Variants in IL17REL observed in about 807,000 individuals in gnomAD.
The protein encoded by IL17REL is interleukin-17 receptor E-like protein.
IL17REL carries 36 observed loss-of-function variants against 49.0 expected under a neutral mutation model. The ratio of observed to expected loss-of-function variants is 0.73; its 90% CI spans 0.56 to 0.97. The LOEUF (loss-of-function observed/expected upper bound fraction) is 0.97. Ranked by LOEUF, IL17REL falls within the 50% of genes least tolerant of loss-of-function variation. The probability of loss-of-function intolerance (pLI) is 0.00; values close to 1 mark genes in which losing one functional copy is unlikely to be tolerated. For missense variants in IL17REL, 470 were observed against 453.9 expected (o/e 1.04, Z -0.32); for synonymous variants, 206 against 192.4 (o/e 1.07, Z -0.58).
upstream of IL17REL, among the ~76,000 whole-genome samples, chr22:50,010,874 G>A (rs1289012593): frequency 6.6e-6 from 1 of 151,758 alleles, no homozygotes. Flanking sequence ...GTTTTCCGTC[G>A]TGCTTCTCGG....
intron 3 of IL17REL, 39 bp downstream of exon 4, chr22:50,000,715 C>T (rs1569209861): frequency 6.4e-7 from 1 of 1,553,462 alleles, no homozygotes; most frequent in East Asian, 2.3e-5. Context: ...GGCGCCCAGT[C>T]TTCGGGACTT....
chr22:50,000,863 T>G, exon 3 of IL17REL: 1 of 1,552,026 alleles, frequency 6.4e-7, no homozygotes, highest in Non-Finnish European at 8.7e-7. Flanking sequence ...CCGCAGGCGC[T>G]CTGGGTGGAG....
At chr22:50,012,230 C>T (rs1044062517), upstream of IL17REL, among the ~76,000 whole-genome samples, 8 of 152,362 alleles carry the variant, frequency 5.3e-5, no homozygotes, top group East Asian at 7.7e-4. Flanking sequence ...TCAGAGCAGC[C>T]GAGCGGGGTG....
At chr22:50,012,214 G>A (rs561498739), upstream of IL17REL, among the ~76,000 whole-genome samples, 414 of 152,284 alleles carry the variant, frequency 2.7e-3, 3 homozygotes, top group South Asian at 0.015. Context: ...GCGGGCTCCC[G>A]ATGGCTCAGA....
chr22:50,001,688 G>A (rs1175192298), intron 1 of IL17REL, among the ~76,000 whole-genome samples: 2 of 152,264 alleles, frequency 1.3e-5, no homozygotes, highest in Admixed American at 1.3e-4. Context: ...ATCCTCACAG[G>A]GAGGACTTGC....
At chr22:50,010,109 C>T (rs1030028914), upstream of IL17REL, among the ~76,000 whole-genome samples, 12 of 152,342 alleles carry the variant, frequency 7.9e-5, no homozygotes, top group Non-Finnish European at 1.5e-4. Context: ...ACCCATTTGC[C>T]GACCACCCCA....
chr22:50,004,492 T>C (rs2061097478), intron 1 of IL17REL, among the ~76,000 whole-genome samples: 1 of 152,140 alleles, frequency 6.6e-6, no homozygotes, highest in Admixed American at 6.5e-5. Flanking sequence ...TTTCCTTCCC[T>C]TGGAGCATCA....
At chr22:49,994,105 G>T (rs190318419), downstream of IL17REL, among the ~76,000 whole-genome samples, 2 of 150,412 alleles carry the variant, frequency 1.3e-5, no homozygotes, top group East Asian at 3.9e-4. Flanking sequence ...GGGCACCTGG[G>T]CGAGTGGCAG....
intron 1 of IL17REL, among the ~76,000 whole-genome samples, chr22:50,003,533 A>AAAAAG (rs2061090512): frequency 6.6e-6 from 1 of 150,648 alleles, no homozygotes; most frequent in Non-Finnish European, 1.5e-5. Context: ...AAAAAAAAAA[A>AAAAAG]AAAAAAAAAA....
At chr22:50,010,611 G>A (rs183680412), upstream of IL17REL, among the ~76,000 whole-genome samples, 758 of 152,348 alleles carry the variant, frequency 5.0e-3, 13 homozygotes, top group Admixed American at 0.041. Flanking sequence ...GCCGGGGTGG[G>A]CTGGAGAGGC....
At chr22:50,002,105 C>T (rs2061083172) in intron 1 of IL17REL, among the ~76,000 whole-genome samples, 1 of 152,242 alleles carries the variant, frequency 6.6e-6, no homozygotes, top group African/African-American at 2.4e-5. Context: ...AGCCTCCCTC[C>T]TGTGATAATG....
chr22:49,992,348 C>T (rs887786712), downstream of IL17REL, among the ~76,000 whole-genome samples: 6 of 152,342 alleles, frequency 3.9e-5, no homozygotes, highest in South Asian at 2.1e-4. Context: ...CTGTTAGAGC[C>T]GGGCAATGCA....
At chr22:49,997,152 C>G (rs2061040439) in intron 11 of IL17REL, 78 bp from the exon 14 acceptor site, 1 of 1,451,188 alleles carries the variant, frequency 6.9e-7, no homozygotes, top group Non-Finnish European at 9.4e-7. Context: ...CCCACATCCT[C>G]TCAGCACCCA....
chr22:50,006,682 A>T (rs1320987619), intron 1 of IL17REL, among the ~76,000 whole-genome samples: 1 of 152,122 alleles, frequency 6.6e-6, no homozygotes, highest in Non-Finnish European at 1.5e-5. Flanking sequence ...GGCCGGGCGC[A>T]GTGGCTCACG....
intron 9 of IL17REL, 52 bp from the exon 12 acceptor site, chr22:49,997,794 GCAGGGA>G (rs765132130): frequency 1.4e-5 from 22 of 1,565,308 alleles, no homozygotes; most frequent in Admixed American, 6.7e-5. Flanking sequence ...TGAGGCAGGG[GCAGGGA>G]CAGGGGCAGG....
exon 13 of IL17REL, chr22:49,996,742 G>T: frequency 2.3e-6 from 1 of 428,612 alleles, no homozygotes; most frequent in Non-Finnish European, 4.2e-6. Flanking sequence ...CGCCCAGCCT[G>T]CCGTGGGAGG....
At chr22:49,996,732 C>T (rs146189883) in exon 13 of IL17REL, 21 of 416,004 alleles carry the variant, frequency 5.0e-5, no homozygotes, top group East Asian at 8.6e-5. Context: ...GTGCACGCCA[C>T]GCCCAGCCTG....
chr22:50,001,700 C>G (rs527502867), intron 1 of IL17REL, among the ~76,000 whole-genome samples: 7 of 152,360 alleles, frequency 4.6e-5, no homozygotes, highest in Non-Finnish European at 7.3e-5. Context: ...AGGACTTGCC[C>G]CCAGGGCCTT....
rs1297183309 is a variant in IL17REL, at chr22:50,002,903, A to G, written c.-41-1672T>C. Among the ~76,000 whole-genome samples, 3 of 152,206 alleles carry G rather than the reference A, an allele frequency of 2.0e-5. No homozygotes were observed. In the East Asian group the frequency reaches 5.8e-4, roughly 29 times the overall value. Reference sequence around the variant, plus strand: ...GAAACCAAGGCAAAATCCATGAGCAATGGTTTCAAGACAAGTGGGCGTGAG... The same window carrying G: ...GAAACCAAGGCAAAATCCATGAGCAGTGGTTTCAAGACAAGTGGGCGTGAG... On this transcript the variant is annotated intron_variant, in intron 1 of 12. Transcript: ENST00000341280.
Sources: gnomAD v4.1 joint callset for allele counts (sites outside exome capture counted in the v4.1 genomes callset) on GRCh38, gnomAD v4.1.1 for gene constraint, MANE v1.5 for transcripts, NCBI Gene and HGNC (gene_info 2026-07-23, HGNC 2026-07-21) for gene names.